The following TFEC variants were observed in gnomAD, a reference collection of about 807,000 sequenced individuals.
TFEC encodes the protein transcription factor EC, also known as class E basic helix-loop-helix protein 34.
Under a neutral mutation model 41.6 loss-of-function variants are expected in TFEC, and 31 were observed. That is an observed-to-expected ratio of 0.74 (90% CI 0.56 to 1.01). TFEC has a LOEUF of 1.01. Among genes scored for constraint, TFEC ranks in the 50% least tolerant of loss-of-function variants. The pLI, the probability that TFEC is intolerant of heterozygous loss-of-function variation, is 0.00. For synonymous variants in TFEC, 143 were observed against 140.6 expected, an observed-to-expected ratio of 1.02 and a Z score of -0.12; for missense variants, 402 against 404.1, an observed-to-expected ratio of 0.99 and a Z score of 0.04.
intron 3 of TFEC, among the ~76,000 whole-genome samples, chr7:116,098,229 G>A (rs531682603): frequency 5.3e-5 from 8 of 151,586 alleles, no homozygotes; most frequent in Non-Finnish European, 5.9e-5. Flanking sequence ...TCACGATCTC[G>A]GCTCACTGCA....
In TFEC at chr7:116,109,725, G is replaced by A. The variant is rs1304743280; in HGVS notation, c.198+983C>T. 1.3e-4 allele frequency among the ~76,000 whole-genome samples: 20 copies of A among 152,172 alleles called. 1 individual carries two copies. Among genetic ancestry groups the A allele is most frequent in the Admixed American group, 1.3e-3 (20 of 15,266 alleles). ...TTTGGCCCAGCCATCCCATTACTGG[G>A]TATATACCCAAAGGATTATAAGTCA... On this transcript the variant is annotated intron_variant, in intron 3 of 8. Transcript: ENST00000484212.
At chr7:115,998,346 A>G (rs1206727305) in intron 1 of TFEC, among the ~76,000 whole-genome samples, 2 of 152,154 alleles carry the variant, frequency 1.3e-5, no homozygotes, top group African/African-American at 4.8e-5. Flanking sequence ...AGAAAAAGCA[A>G]GAAATTAAAA....
At chr7:116,007,119 G>GT (rs1168097350) in intron 1 of TFEC, among the ~76,000 whole-genome samples, 2 of 152,082 alleles carry the variant, frequency 1.3e-5, no homozygotes, top group African/African-American at 4.8e-5. Context: ...TGTATCTACG[G>GT]TTTTACCTTT....
At chr7:115,996,761 T>C (rs891414815) in intron 1 of TFEC, among the ~76,000 whole-genome samples, 1 of 151,966 alleles carries the variant, frequency 6.6e-6, no homozygotes, top group Non-Finnish European at 1.5e-5. Flanking sequence ...TGAAGAGACC[T>C]TGGGTCTTGA....
intron 3 of TFEC, among the ~76,000 whole-genome samples, chr7:116,109,377 GA>G (rs1307989796): frequency 6.6e-6 from 1 of 151,920 alleles, no homozygotes; most frequent in African/African-American, 2.4e-5. Context: ...AAATTTACAA[GA>G]AAAAAACAAA....
At chr7:115,947,830 G>C (rs1453293856) in intron 6 of TFEC, among the ~76,000 whole-genome samples, 1 of 151,894 alleles carries the variant, frequency 6.6e-6, no homozygotes. Context: ...CCCTTTGTCA[G>C]AAGAGATAAC....
At chr7:115,944,007 G>T in intron 6 of TFEC, among the ~76,000 whole-genome samples, 1 of 32,928 alleles carries the variant, frequency 3.0e-5, no homozygotes, top group African/African-American at 7.2e-5. Flanking sequence ...ACTATGACAG[G>T]TCTGAATTTT....
chr7:115,974,439 T>TAC (rs1793288220), intron 2 of TFEC, among the ~76,000 whole-genome samples, 183 bp from the exon 3 acceptor site: 1 of 53,838 alleles, frequency 1.9e-5, no homozygotes, highest in Non-Finnish European at 3.7e-5. Context: ...TATATATATA[T>TAC]ATATATATAT....
At chr7:116,091,143 A>G (rs534328164) in intron 3 of TFEC, among the ~76,000 whole-genome samples, 1 of 152,290 alleles carries the variant, frequency 6.6e-6, no homozygotes, top group African/African-American at 2.4e-5. Flanking sequence ...TATGCTAGAG[A>G]TCTGAACTGT....
intron 1 of TFEC, among the ~76,000 whole-genome samples, chr7:116,157,006 T>C (rs1391648368): frequency 6.6e-6 from 1 of 152,222 alleles, no homozygotes; most frequent in Admixed American, 6.5e-5. Context: ...ACAACTAAAA[T>C]GGAGCACTTG....
intron 2 of TFEC, among the ~76,000 whole-genome samples, chr7:115,980,567 C>T (rs548511490): frequency 5.9e-5 from 9 of 151,872 alleles, no homozygotes; most frequent in East Asian, 1.9e-4. Flanking sequence ...CTGGCCAATA[C>T]GGCGAAACTC....
chr7:116,112,314 G>A lies in TFEC; in HGVS notation c.-68-276C>T, dbSNP rs551672014. On this transcript the variant is annotated intron_variant, in intron 1 of 8. Transcript: ENST00000484212. ...CAATTATTTCAAAGTAGGGTAAGAT[G>A]TTCCACTTGTATACAGGCAACACCT... Among the ~76,000 whole-genome samples, 53 of 152,078 alleles carry A rather than the reference G, an allele frequency of 3.5e-4. 1 individual carries two copies. The South Asian group carries it at 0.01, about 29-fold the overall frequency.
intron 1 of TFEC, among the ~76,000 whole-genome samples, chr7:116,155,164 A>C (rs1191044736): frequency 2.0e-5 from 3 of 152,220 alleles, no homozygotes; most frequent in Non-Finnish European, 4.4e-5. Flanking sequence ...GAAACACATC[A>C]TTCTGATGAA....
At chr7:116,009,851 A>G (rs951612268) in intron 1 of TFEC, among the ~76,000 whole-genome samples, 5 of 152,186 alleles carry the variant, frequency 3.3e-5, no homozygotes, top group Admixed American at 2.6e-4. Flanking sequence ...ACAGATTTTA[A>G]TCAATCACAC....
intron 1 of TFEC, among the ~76,000 whole-genome samples, chr7:116,023,538 C>G (rs1330552128): frequency 2.0e-5 from 3 of 152,102 alleles, no homozygotes; most frequent in Admixed American, 2.0e-4. Context: ...TCTGAAGGAG[C>G]ATGAATGAAT....
intron 3 of TFEC, among the ~76,000 whole-genome samples, chr7:116,064,662 A>G (rs1164911869): frequency 6.6e-6 from 1 of 152,070 alleles, no homozygotes; most frequent in Non-Finnish European, 1.5e-5. Flanking sequence ...ATGTATGCCT[A>G]TGTAACAAAC....
intron 4 of TFEC, 94 bp from the exon 5 acceptor site, chr7:115,954,736 A>G: frequency 1.1e-6 from 1 of 922,792 alleles, no homozygotes; most frequent in Non-Finnish European, 1.6e-6. Context: ...AAAATAAAAT[A>G]TTATTTGCTC....
At chr7:116,009,825 T>C (rs1023627071) in intron 1 of TFEC, among the ~76,000 whole-genome samples, 47 of 152,298 alleles carry the variant, frequency 3.1e-4, no homozygotes, top group African/African-American at 1.0e-3. Context: ...ATGTAGCTTA[T>C]GGGCAGGTGG....
At chr7:115,946,804 G>T (rs894951954) in intron 6 of TFEC, among the ~76,000 whole-genome samples, 1 of 150,608 alleles carries the variant, frequency 6.6e-6, no homozygotes, top group African/African-American at 2.4e-5. Context: ...CCAAAGTACT[G>T]GGATTACAGG....
Sources: allele counts gnomAD v4.1 joint callset (sites outside exome capture counted in the v4.1 genomes callset), GRCh38; gene constraint gnomAD v4.1.1; transcripts MANE v1.5; gene names NCBI Gene and HGNC (gene_info 2026-07-23, HGNC 2026-07-21).